The following PINX1 variants were observed in gnomAD, a reference collection of about 807,000 sequenced individuals.
PINX1 encodes PIN2 (TERF1) interacting telomerase inhibitor 1.
Under a neutral mutation model 25.4 loss-of-function variants are expected in PINX1, and 34 were observed. The ratio of observed to expected loss-of-function variants is 1.34; its 90% CI spans 1.02 to 1.78. The LOEUF (loss-of-function observed/expected upper bound fraction) is 1.78. Ranked by LOEUF, PINX1 falls within the 40% of genes most tolerant of loss-of-function variation. The pLI is 0.00. For synonymous variants in PINX1, 197 were observed against 147.7 expected (o/e 1.33, Z -2.42); for missense variants, 592 against 404.9 (o/e 1.46, Z -3.97).
At chr8:10,772,764 T>C (rs961139353) in intron 6 of PINX1, among the ~76,000 whole-genome samples, 1 of 152,252 alleles carries the variant, frequency 6.6e-6, no homozygotes, top group African/African-American at 2.4e-5. Flanking sequence ...ATGAGAATTA[T>C]GCAGCAACTC....
At position 10,839,760 on chromosome 8, in the gene PINX1, G is replaced by A. The variant is rs775571543; in HGVS notation, c.-4C>T. ...CACGTTCAGCCAGCATAGACATGTC[G>A]GAGAGCCTGTGATACCGCCGCCTCT... On this transcript the variant is annotated 5_prime_UTR_variant, in exon 1 of 7. Coordinates refer to ENST00000314787, the MANE Select transcript of PINX1 (RefSeq NM_017884.6). 1.9e-6 allele frequency: 3 copies of A among 1,603,954 alleles called. No homozygotes were observed. The highest frequency in any genetic ancestry group is 2.3e-5 in the East Asian group (1 of 44,414).
chr8:10,823,307 G>A (rs1402098355), intron 5 of PINX1, among the ~76,000 whole-genome samples: 1 of 152,074 alleles, frequency 6.6e-6, no homozygotes, highest in Non-Finnish European at 1.5e-5. Context: ...AAAGGATTAA[G>A]AAGTCTGCAA....
intron 6 of PINX1, among the ~76,000 whole-genome samples, chr8:10,787,350 C>A (rs567336578): frequency 9.2e-5 from 14 of 152,058 alleles, no homozygotes; most frequent in Non-Finnish European, 1.8e-4. Context: ...CCACAGCCCC[C>A]CAAGGAGCTG....
At chr8:10,798,067 A>C (rs1358217151) in intron 6 of PINX1, among the ~76,000 whole-genome samples, 1 of 152,232 alleles carries the variant, frequency 6.6e-6, no homozygotes, top group African/African-American at 2.4e-5. Flanking sequence ...TGAGGAATAG[A>C]CGGGGAGACA....
chr8:10,790,988 C>T (rs1222670156), intron 6 of PINX1, among the ~76,000 whole-genome samples: 1 of 152,174 alleles, frequency 6.6e-6, no homozygotes, highest in Non-Finnish European at 1.5e-5. Flanking sequence ...TCTTGGCTCA[C>T]TGCAGCCTCC....
intron 4 of PINX1, among the ~76,000 whole-genome samples, 186 bp from the exon 5 acceptor site, chr8:10,826,430 A>G (rs1473779684): frequency 6.6e-6 from 1 of 152,228 alleles, no homozygotes; most frequent in Non-Finnish European, 1.5e-5. Flanking sequence ...GAGTCAAATG[A>G]TTAGAAATAT....
chr8:10,769,171 C>T (rs1316937079), intron 6 of PINX1, among the ~76,000 whole-genome samples: 5 of 152,136 alleles, frequency 3.3e-5, no homozygotes, highest in African/African-American at 1.2e-4. Context: ...GTGATTTAAG[C>T]TCAGGGATTC....
intron 6 of PINX1, among the ~76,000 whole-genome samples, chr8:10,803,433 C>CT (rs1802333831): frequency 6.6e-6 from 1 of 152,232 alleles, no homozygotes; most frequent in African/African-American, 2.4e-5. Context: ...TACACTAGCG[C>CT]ATGATACTTG....
intron 6 of PINX1, among the ~76,000 whole-genome samples, chr8:10,787,228 T>C (rs1801780386): frequency 6.6e-6 from 1 of 151,952 alleles, no homozygotes; most frequent in Non-Finnish European, 1.5e-5. Context: ...CACACACGTT[T>C]GTTTGTTTTT....
intron 5 of PINX1, chr8:10,821,888 C>A (rs192763668): frequency 6.6e-6 from 1 of 152,148 alleles, no homozygotes; most frequent in South Asian, 2.1e-4. Flanking sequence ...AGGGTACATG[C>A]GAGATCACAG....
intron 6 of PINX1, among the ~76,000 whole-genome samples, chr8:10,794,898 T>C (rs916081631): frequency 5.3e-5 from 8 of 152,210 alleles, no homozygotes; most frequent in African/African-American, 1.9e-4. Context: ...ATTTATCTAC[T>C]GTATTTATTC....
At chr8:10,811,014 A>G (rs1488360272) in intron 6 of PINX1, among the ~76,000 whole-genome samples, 4 of 152,240 alleles carry the variant, frequency 2.6e-5, no homozygotes. Flanking sequence ...TGGCCATTTT[A>G]AACTGTGAGA....
At chr8:10,803,529 T>C (rs995682663) in intron 6 of PINX1, among the ~76,000 whole-genome samples, 1 of 152,224 alleles carries the variant, frequency 6.6e-6, no homozygotes, top group Non-Finnish European at 1.5e-5. Flanking sequence ...ATTGTAGAAA[T>C]TGGGTCAATT....
rs565057305 is a variant in PINX1 at position 10,834,747 on chromosome 8, A to G, written c.48T>C (p.Asp16=). ...ERRRKQKWAV[D]PQNTAWSNDD... The stretch of plus-strand genomic sequence containing the variant: ...CATTACTCCAGGCAGTGTTCTGAGG[A>G]TCCACAGCCCACTTCTGCTTCCGCC... Residue 16 remains aspartate, a synonymous_variant, in exon 2 of 7, where the codon GAT becomes GAC. Transcript: ENST00000314787. 6.2e-7 allele frequency: 1 copy of G among 1,613,720 alleles called. No individual in the cohort carries two copies. The highest frequency in any genetic ancestry group is 2.2e-5 in the East Asian group (1 of 44,866).
chr8:10,773,258 G>T (rs1801286674), intron 6 of PINX1, among the ~76,000 whole-genome samples: 2 of 152,182 alleles, frequency 1.3e-5, no homozygotes, highest in South Asian at 4.1e-4. Flanking sequence ...GTATGGAACT[G>T]GAGGACGCTG....
chr8:10,835,251 C>T (rs77559025), intron 1 of PINX1, among the ~76,000 whole-genome samples: 2 of 152,092 alleles, frequency 1.3e-5, no homozygotes, highest in Non-Finnish European at 2.9e-5. Context: ...CTGCTCCAAA[C>T]GCTGTACATA....
rs141511308 is a variant in PINX1 at position 10,838,772 on chromosome 8, G to C, written c.19+966C>G. ...ACTGGCAAGAACATAAAGATACAGA[G>C]ATAACTGGATCAATTTTGCCATTTT... On this transcript the variant is annotated intron_variant, in intron 1 of 6. Coordinates refer to ENST00000314787, the MANE Select transcript of PINX1 (RefSeq NM_017884.6). Among the ~76,000 whole-genome samples, 885 of 152,308 alleles carry C rather than the reference G, an allele frequency of 5.8e-3. 19 individuals carry two copies. The highest frequency in any genetic ancestry group is 7.6e-3 in the Non-Finnish European group (515 of 68,024).
chr8:10,809,897 G>C (rs771645799), intron 6 of PINX1, among the ~76,000 whole-genome samples: 1 of 152,222 alleles, frequency 6.6e-6, no homozygotes, highest in Non-Finnish European at 1.5e-5. Context: ...AAAGTAAAGA[G>C]GTTTGATTTT....
intron 6 of PINX1, among the ~76,000 whole-genome samples, chr8:10,804,914 T>A (rs1344666321): frequency 5.3e-5 from 8 of 152,010 alleles, no homozygotes; most frequent in African/African-American, 1.9e-4. Flanking sequence ...ACCCTGCCTA[T>A]ACTTTAATCA....
Sources: allele counts gnomAD v4.1 joint callset (sites outside exome capture counted in the v4.1 genomes callset), GRCh38; gene constraint gnomAD v4.1.1; transcripts MANE v1.5; gene names NCBI Gene and HGNC (gene_info 2026-07-23, HGNC 2026-07-21).